Variants in PLCE1 observed in about 807,000 individuals in gnomAD.
PLCE1 encodes phospholipase C epsilon 1, also known as 1-phosphatidylinositol 4,5-bisphosphate phosphodiesterase epsilon-1.
PLCE1 carries 119 observed loss-of-function variants against 242.8 expected under a neutral mutation model. That is an observed-to-expected ratio of 0.49 (90% CI 0.42 to 0.57). PLCE1 has a LOEUF of 0.57. Among genes scored for constraint, PLCE1 ranks in the 20% least tolerant of loss-of-function variants. PLCE1 has a pLI of 0.00. For missense variants in PLCE1, 2,441 were observed against 2,788.8 expected (o/e 0.88, Z 2.81); for synonymous variants, 945 against 1,017.4 (o/e 0.93, Z 1.35).
chr10:94,015,032 A>C (rs79183069), intron 1 of PLCE1, among the ~76,000 whole-genome samples: 173 of 152,312 alleles, frequency 1.1e-3, no homozygotes, highest in African/African-American at 3.9e-3. Flanking sequence ...TCTTCACTTC[A>C]CCTGTGGTTC....
chr10:94,221,046 G>A (rs1304501712), intron 4 of PLCE1, among the ~76,000 whole-genome samples: 5 of 152,208 alleles, frequency 3.3e-5, no homozygotes, highest in African/African-American at 7.2e-5. Flanking sequence ...CTACAGAAAT[G>A]ACGCCTGATC....
intron 2 of PLCE1, among the ~76,000 whole-genome samples, chr10:94,060,500 T>C (rs1361240503): frequency 6.6e-6 from 1 of 152,152 alleles, no homozygotes; most frequent in Non-Finnish European, 1.5e-5. Flanking sequence ...TTTTGTGAGC[T>C]TGGCAAGACT....
At chr10:94,035,941 A>G (rs1460302539) in intron 2 of PLCE1, among the ~76,000 whole-genome samples, 1 of 152,200 alleles carries the variant, frequency 6.6e-6, no homozygotes, top group Non-Finnish European at 1.5e-5. Flanking sequence ...ATTAAGGACA[A>G]GAAATAAGTT....
chr10:94,045,984 A>G (rs2134703104), intron 2 of PLCE1, among the ~76,000 whole-genome samples: 2 of 151,836 alleles, frequency 1.3e-5, no homozygotes, highest in Middle Eastern at 6.8e-3. Context: ...AAAAAGTAAT[A>G]ATAACCTTAG....
At chr10:94,126,601 C>T (rs1316952081) in intron 2 of PLCE1, among the ~76,000 whole-genome samples, 3 of 152,106 alleles carry the variant, frequency 2.0e-5, no homozygotes, top group Non-Finnish European at 4.4e-5. Flanking sequence ...AGTGTGGATG[C>T]CATGTTGTGA....
intron 4 of PLCE1, among the ~76,000 whole-genome samples, chr10:94,211,756 T>C (rs1316908214): frequency 6.6e-6 from 1 of 152,170 alleles, no homozygotes; most frequent in Non-Finnish European, 1.5e-5. Flanking sequence ...TATGCTGCTG[T>C]TTCTGTTTCT....
chr10:94,155,291 TCA>T (rs2047396524), intron 3 of PLCE1, among the ~76,000 whole-genome samples: 1 of 152,226 alleles, frequency 6.6e-6, no homozygotes, highest in Non-Finnish European at 1.5e-5. Context: ...GGAATATTAT[TCA>T]GTTATTAAAA....
intron 2 of PLCE1, among the ~76,000 whole-genome samples, chr10:94,059,715 C>T (rs972410418): frequency 2.0e-5 from 3 of 152,122 alleles, no homozygotes; most frequent in Non-Finnish European, 4.4e-5. Flanking sequence ...TTGCACTGGG[C>T]AGGTACCTCT....
intron 2 of PLCE1, among the ~76,000 whole-genome samples, chr10:94,051,177 G>C (rs902343438): frequency 2.0e-5 from 3 of 148,502 alleles, no homozygotes; most frequent in African/African-American, 7.4e-5. Flanking sequence ...AATGGGACAA[G>C]ATATCTGAAT....
intron 1 of PLCE1, among the ~76,000 whole-genome samples, chr10:94,026,462 CA>C (rs1589874342): frequency 6.6e-6 from 1 of 152,032 alleles, no homozygotes; most frequent in Non-Finnish European, 1.5e-5. Context: ...TCCCTTTTTC[CA>C]TCTTTTTCTT....
chr10:94,117,642 AAG>A (rs542948259), intron 2 of PLCE1, among the ~76,000 whole-genome samples: 1 of 152,206 alleles, frequency 6.6e-6, no homozygotes, highest in Non-Finnish European at 1.5e-5. Flanking sequence ...GTGGGTATAA[AAG>A]AGAGAAAATC....
At chr10:94,027,162 T>A (rs2061464953) in intron 1 of PLCE1, among the ~76,000 whole-genome samples, 1 of 152,198 alleles carries the variant, frequency 6.6e-6, no homozygotes, top group Admixed American at 6.5e-5. Context: ...GAAACTCAAC[T>A]GAGTTGTCTT....
intron 27 of PLCE1, among the ~76,000 whole-genome samples, chr10:94,311,577 C>A (rs2053388294): frequency 6.6e-6 from 1 of 152,234 alleles, no homozygotes; most frequent in South Asian, 2.1e-4. Flanking sequence ...GTAGATCATC[C>A]TGGCCTTCTG....
At chr10:94,029,764 A>G (rs1176643962) in intron 1 of PLCE1, among the ~76,000 whole-genome samples, 2 of 152,126 alleles carry the variant, frequency 1.3e-5, no homozygotes, top group Non-Finnish European at 2.9e-5. Flanking sequence ...AAGGGGAAGA[A>G]AGACATCTAT....
intron 2 of PLCE1, among the ~76,000 whole-genome samples, chr10:94,082,416 A>G (rs1008365251): frequency 3.9e-5 from 6 of 152,132 alleles, no homozygotes; most frequent in African/African-American, 1.4e-4. Context: ...CTAGGGGGAT[A>G]CTCAGCTTTT....
rs1274185689 is a variant in PLCE1 at position 94,268,947 on chromosome 10, C to T, written c.4300C>T (p.Arg1434Ter). The change falls in exon 17 of 33, where the codon CGA becomes TGA. Residue 1434 changes from arginine to a stop codon, truncating the protein, a stop_gained. Coordinates refer to ENST00000371380, the MANE Select transcript of PLCE1 (RefSeq NM_016341.4). LOFTEE classifies it high-confidence loss of function. The part of the protein sequence containing the change: ...LYSQVLLQGC[R>*]SVELDCWDGD... ...CACACAGGTCCTTTTGCAAGGCTGT[C>T]GAAGTGTAGAATTGGACTGCTGGGA... 3 of 1,610,788 alleles carry T rather than the reference C, an allele frequency of 1.9e-6. No homozygotes were observed. Among genetic ancestry groups the T allele is most frequent in the Non-Finnish European group, 2.5e-6 (3 of 1,177,260 alleles).
At chr10:94,238,084 A>G (rs2050382003) in intron 7 of PLCE1, among the ~76,000 whole-genome samples, 1 of 152,228 alleles carries the variant, frequency 6.6e-6, no homozygotes, top group Non-Finnish European at 1.5e-5. Flanking sequence ...GAAAACCACT[A>G]GAAACACTCA....
At chr10:94,077,782 CA>C (rs2044549396) in intron 2 of PLCE1, among the ~76,000 whole-genome samples, 1 of 151,740 alleles carries the variant, frequency 6.6e-6, no homozygotes, top group Non-Finnish European at 1.5e-5. Context: ...AACAAACAAA[CA>C]AAAAAACAGT....
chr10:94,064,384 C>T (rs572817705), intron 2 of PLCE1, among the ~76,000 whole-genome samples: 1 of 152,116 alleles, frequency 6.6e-6, no homozygotes, highest in African/African-American at 2.4e-5. Flanking sequence ...AACCCTGTCT[C>T]TACAAAAAAT....
Sources: gnomAD v4.1 joint callset for allele counts (sites outside exome capture counted in the v4.1 genomes callset) on GRCh38, gnomAD v4.1.1 for gene constraint, MANE v1.5 for transcripts, NCBI Gene and HGNC (gene_info 2026-07-23, HGNC 2026-07-21) for gene names.